The following CHD7 variants were observed in gnomAD, a reference collection of about 807,000 sequenced individuals.
The protein encoded by CHD7 is chromodomain helicase DNA binding protein 7.
Under a neutral mutation model 307.3 loss-of-function variants are expected in CHD7, and 24 were observed. That is an observed-to-expected ratio of 0.08 (90% CI 0.06 to 0.11). The LOEUF is 0.11. CHD7 is among the 10% of genes least tolerant of loss of function. CHD7 has a pLI of 1.00. For missense variants in CHD7, 3,106 were observed against 3,727.1 expected (o/e 0.83, Z 4.34); for synonymous variants, 1,363 against 1,349.9 (o/e 1.01, Z -0.21).
intron 37 of CHD7, 173 bp from the exon 38 acceptor site, chr8:60,864,843 A>G (rs997019370): frequency 1.0e-5 from 7 of 682,224 alleles, no homozygotes; most frequent in Middle Eastern, 3.6e-4. Context: ...GCAAGCTAAC[A>G]TAATAATAAA....
At chr8:60,857,322 A>AAG (rs1805762261) in intron 34 of CHD7, among the ~76,000 whole-genome samples, 2 of 152,326 alleles carry the variant, frequency 1.3e-5, no homozygotes, top group African/African-American at 4.8e-5. Context: ...CTGTCTCCTT[A>AAG]AGTAGATATT....
chr8:60,801,740 A>G (rs1234772785), intron 6 of CHD7, 147 bp downstream of exon 6: 1 of 613,588 alleles, frequency 1.6e-6, no homozygotes, highest in African/African-American at 1.9e-5. Flanking sequence ...TTAACCCAAT[A>G]TGAATCTTTG....
At chr8:60,844,805 A>C in intron 21 of CHD7, 59 bp from the exon 22 acceptor site, 1 of 1,421,704 alleles carries the variant, frequency 7.0e-7, no homozygotes, top group Non-Finnish European at 9.5e-7. Context: ...CCTGACTTAA[A>C]GTAAAGCCAT....
intron 1 of CHD7, among the ~76,000 whole-genome samples, chr8:60,696,194 A>G (rs1806457680): frequency 6.6e-6 from 1 of 152,192 alleles, no homozygotes; most frequent in South Asian, 2.1e-4. Flanking sequence ...TTACTTTTTA[A>G]TTTTTTAAAT....
At chr8:60,839,397 G>A (rs1293023032) in intron 19 of CHD7, among the ~76,000 whole-genome samples, 2 of 152,182 alleles carry the variant, frequency 1.3e-5, no homozygotes, top group Admixed American at 6.5e-5. Context: ...GGATATTTGT[G>A]TACAAGGTTT....
intron 2 of CHD7, among the ~76,000 whole-genome samples, chr8:60,743,960 T>C (rs1266904248): frequency 6.6e-6 from 1 of 152,236 alleles, no homozygotes; most frequent in Non-Finnish European, 1.5e-5. Context: ...CTATAAAGCA[T>C]AGTGCTTGTT....
At chr8:60,734,191 T>C (rs1463018179) in intron 1 of CHD7, among the ~76,000 whole-genome samples, 1 of 152,268 alleles carries the variant, frequency 6.6e-6, no homozygotes, top group African/African-American at 2.4e-5. Flanking sequence ...GTCAGTGTGC[T>C]ATCCTGTAGG....
At chr8:60,698,888 G>A (rs983481746) in intron 1 of CHD7, among the ~76,000 whole-genome samples, 3 of 152,292 alleles carry the variant, frequency 2.0e-5, no homozygotes, top group Non-Finnish European at 4.4e-5. Context: ...CTGGGCTCAA[G>A]TCATCCTCCC....
At chr8:60,750,765 G>A (rs556700621) in intron 2 of CHD7, among the ~76,000 whole-genome samples, 1 of 152,208 alleles carries the variant, frequency 6.6e-6, no homozygotes, top group Non-Finnish European at 1.5e-5. Context: ...ATATTAAACA[G>A]CACATGCTAG....
At chr8:60,767,239 T>C (rs539800201) in intron 2 of CHD7, among the ~76,000 whole-genome samples, 1 of 152,144 alleles carries the variant, frequency 6.6e-6, no homozygotes, top group East Asian at 1.9e-4. Flanking sequence ...CAGCAAATAT[T>C]GTTGCTCTTT....
chr8:60,848,482 A>G, intron 23 of CHD7, 33 bp from the exon 24 acceptor site: 9 of 1,530,970 alleles, frequency 5.9e-6, no homozygotes, highest in Non-Finnish European at 8.1e-6. Flanking sequence ...CCTGAAGTTA[A>G]GAACTTTTTC....
intron 23 of CHD7, 27 bp downstream of exon 23, chr8:60,845,436 G>A (rs1177470602): frequency 1.2e-6 from 2 of 1,609,512 alleles, no homozygotes; most frequent in African/African-American, 2.7e-5. Flanking sequence ...TGGACCTGGA[G>A]AGCTTAATTC....
At chr8:60,814,057 T>C (rs1231552797) in intron 7 of CHD7, among the ~76,000 whole-genome samples, 4 of 152,238 alleles carry the variant, frequency 2.6e-5, no homozygotes, top group Non-Finnish European at 4.4e-5. Context: ...TTTTCTTACA[T>C]TGACTTCTTC....
chr8:60,797,318 A>C (rs932150229), intron 4 of CHD7, among the ~76,000 whole-genome samples: 1 of 152,244 alleles, frequency 6.6e-6, no homozygotes, highest in Non-Finnish European at 1.5e-5. Context: ...GGGTGTTTTT[A>C]CATAGGAAGT....
At position 60,841,866 on chromosome 8, in the gene CHD7, C is replaced by G; in HGVS notation, c.4664C>G (p.Thr1555Ser). Reference protein sequence around the residue: ...LNGRNNLVIDTPRVRKQTRLY... With the variant: ...LNGRNNLVIDSPRVRKQTRLY... Reference sequence around the variant, plus strand: ...TATTAGAACAACCTGGTTATTGATACTCCAAGAGTGAGAAAGCAGACCAGG... The same window carrying G: ...TATTAGAACAACCTGGTTATTGATAGTCCAAGAGTGAGAAAGCAGACCAGG... Residue 1555 changes from threonine (T) to serine (S), a missense_variant, in exon 21 of 38, where the codon ACT (threonine) becomes AGT (serine). Physicochemically the swap from Thr to Ser is moderately conservative, Grantham distance 58. Around this residue, in one of 10 missense-constraint regions of CHD7, gnomAD observed 122 missense variants for 124.5 expected, o/e 0.98. Coordinates refer to ENST00000423902, the MANE Select transcript of CHD7 (RefSeq NM_017780.4). 6.2e-7 allele frequency: 1 copy of G among 1,608,000 alleles called. No individual in the cohort carries two copies. The highest frequency in any genetic ancestry group is 8.5e-7 in the Non-Finnish European group (1 of 1,176,674).
At chr8:60,833,432 C>T (rs920984579) in intron 15 of CHD7, among the ~76,000 whole-genome samples, 4 of 151,996 alleles carry the variant, frequency 2.6e-5, no homozygotes, top group African/African-American at 9.7e-5. Context: ...AGGCAGGAGG[C>T]GTGTAGAGGA....
At chr8:60,821,694 A>C (rs576575137) in intron 9 of CHD7, 96 bp from the exon 10 acceptor site, 2 of 1,009,984 alleles carry the variant, frequency 2.0e-6, no homozygotes, top group Non-Finnish European at 2.8e-6. Flanking sequence ...ACACACATAC[A>C]TATCTATATG....
At chr8:60,791,263 T>A (rs2150689914) in intron 3 of CHD7, among the ~76,000 whole-genome samples, 1 of 152,320 alleles carries the variant, frequency 6.6e-6, no homozygotes, top group South Asian at 2.1e-4. Flanking sequence ...TCAGTGCTGG[T>A]GCCATTCAGG....
intron 37 of CHD7, chr8:60,862,931 A>G (rs1279390593): frequency 5.3e-6 from 2 of 380,254 alleles, no homozygotes; most frequent in East Asian, 4.7e-5. Flanking sequence ...AGCTAAGCCT[A>G]CTTAACAGCT....
Sources: gnomAD v4.1 joint callset for allele counts (sites outside exome capture counted in the v4.1 genomes callset) on GRCh38, gnomAD v4.1.1 for gene constraint, gnomAD v4.1.1 regional missense constraint, MANE v1.5 for transcripts, NCBI Gene and HGNC (gene_info 2026-07-23, HGNC 2026-07-21) for gene names.